Variants in CPPED1 observed in about 807,000 individuals in gnomAD.
The protein encoded by CPPED1 is calcineurin like phosphoesterase domain containing 1, also known as serine/threonine-protein phosphatase CPPED1.
In CPPED1, 28 loss-of-function variants were observed where a neutral mutation model predicts 28.0. The ratio of observed to expected loss-of-function variants is 1.00; its 90% CI spans 0.74 to 1.37. The LOEUF is 1.37. Ranked by LOEUF, CPPED1 falls within the 40% of genes most tolerant of loss-of-function variation. The pLI, the probability that CPPED1 is intolerant of heterozygous loss-of-function variation, is 0.00. For missense variants in CPPED1, 504 were observed against 416.5 expected, an observed-to-expected ratio of 1.21 and a Z score of -1.83; for synonymous variants, 198 against 180.2, an observed-to-expected ratio of 1.10 and a Z score of -0.79.
chr16:12,768,958 T>C (rs4387585), intron 2 of CPPED1, among the ~76,000 whole-genome samples: 107,887 of 151,084 alleles, frequency 0.71, 38,762 homozygotes, highest in African/African-American at 0.78. Context: ...CTCCACCTCC[T>C]GGGTTCAAGC....
At chr16:12,768,583 C>A (rs2080452344) in intron 2 of CPPED1, among the ~76,000 whole-genome samples, 1 of 152,180 alleles carries the variant, frequency 6.6e-6, no homozygotes, top group African/African-American at 2.4e-5. Flanking sequence ...AGTCAAAGAA[C>A]AAGAGTATGT....
chr16:12,681,607 G>A (rs1468509759), intron 3 of CPPED1, among the ~76,000 whole-genome samples: 2 of 152,114 alleles, frequency 1.3e-5, no homozygotes, highest in African/African-American at 4.8e-5. Flanking sequence ...CTAAGAATGT[G>A]GGAGATGGGG....
At chr16:12,737,423 G>A (rs1349286559) in intron 2 of CPPED1, among the ~76,000 whole-genome samples, 1 of 152,088 alleles carries the variant, frequency 6.6e-6, no homozygotes. Flanking sequence ...CTTACAGGTG[G>A]GGCCCAGAGT....
intron 2 of CPPED1, among the ~76,000 whole-genome samples, chr16:12,712,336 G>C (rs2080084326): frequency 1.3e-5 from 2 of 152,170 alleles, no homozygotes; most frequent in African/African-American, 4.8e-5. Context: ...TCATAGCTCA[G>C]TAATTAAAAC....
intron 2 of CPPED1, among the ~76,000 whole-genome samples, chr16:12,706,208 A>T (rs1290413395): frequency 2.6e-5 from 4 of 152,028 alleles, no homozygotes. Flanking sequence ...AATCACACAC[A>T]AATTTTTAAA....
intron 2 of CPPED1, among the ~76,000 whole-genome samples, chr16:12,763,875 A>C (rs2080423856): frequency 1.3e-5 from 2 of 152,144 alleles, no homozygotes; most frequent in South Asian, 4.1e-4. Flanking sequence ...CTGCCATTGA[A>C]AGTAATGGCA....
intron 2 of CPPED1, among the ~76,000 whole-genome samples, chr16:12,744,590 A>C (rs575823192): frequency 6.6e-6 from 1 of 152,190 alleles, no homozygotes; most frequent in Non-Finnish European, 1.5e-5. Flanking sequence ...CAGGATTTCT[A>C]GGCCATGCTA....
Position 12,736,521 on chromosome 16 carries a change from G to A in CPPED1, c.290-31472C>T, listed in dbSNP as rs569748965. 2.0e-5 allele frequency among the ~76,000 whole-genome samples: 3 copies of A among 152,236 alleles called. No individual in the cohort carries two copies. In the South Asian group the frequency reaches 6.2e-4, roughly 32 times the overall value. ...CCCAAAGGGCTGGGATTATAGGTGT[G>A]AGCCACCGCACCTGGCCTGGATTTT... On this transcript the variant is annotated intron_variant, in intron 2 of 3. Transcript: ENST00000381774.
At chr16:12,722,097 G>T (rs71388729) in intron 2 of CPPED1, among the ~76,000 whole-genome samples, 1 of 152,018 alleles carries the variant, frequency 6.6e-6, no homozygotes, top group Non-Finnish European at 1.5e-5. Flanking sequence ...CTGAAGGCAC[G>T]GCAACTCAAA....
At chr16:12,788,405 C>T (rs965327677) in intron 1 of CPPED1, among the ~76,000 whole-genome samples, 1 of 152,192 alleles carries the variant, frequency 6.6e-6, no homozygotes, top group Admixed American at 6.5e-5. Context: ...TCCAGTACTG[C>T]ACTCAATAAG....
intron 2 of CPPED1, among the ~76,000 whole-genome samples, chr16:12,716,976 T>C (rs910409388): frequency 1.3e-5 from 2 of 151,724 alleles, no homozygotes; most frequent in South Asian, 2.1e-4. Context: ...ACCCCAGAGC[T>C]TTCCCAGAAG....
intron 2 of CPPED1, among the ~76,000 whole-genome samples, chr16:12,771,935 C>T (rs1401213146): frequency 6.6e-6 from 1 of 152,070 alleles, no homozygotes; most frequent in East Asian, 1.9e-4. Context: ...CCAGCCTGGC[C>T]AACATGCAGA....
chr16:12,666,693 A>AACAGCTC (rs1365970151), intron 3 of CPPED1, among the ~76,000 whole-genome samples: 1 of 152,178 alleles, frequency 6.6e-6, no homozygotes, highest in African/African-American at 2.4e-5. Flanking sequence ...TACCATAGAG[A>AACAGCTC]TACAAGAGCT....
Position 12,678,491 on chromosome 16 carries a change from G to C in CPPED1, c.716-13376C>G, listed in dbSNP as rs186997937. On this transcript the variant is annotated intron_variant, in intron 3 of 3. Coordinates refer to ENST00000381774, the MANE Select transcript of CPPED1 (RefSeq NM_018340.3). Reference sequence around the variant, plus strand: ...TTTGTTGAATCTGTCGCTCAATCGGGGGGGAAATGCCGTATTAACATTGGC... The same window carrying C: ...TTTGTTGAATCTGTCGCTCAATCGGCGGGGAAATGCCGTATTAACATTGGC... 1.2e-4 allele frequency among the ~76,000 whole-genome samples: 19 copies of C among 152,250 alleles called. No homozygotes were observed. The South Asian group carries it at 3.9e-3, about 32-fold the overall frequency.
intron 2 of CPPED1, among the ~76,000 whole-genome samples, chr16:12,777,713 G>C (rs1435202058): frequency 6.6e-6 from 1 of 152,040 alleles, no homozygotes; most frequent in Admixed American, 6.6e-5. Flanking sequence ...TCTCTGCCAA[G>C]ACTCTAGTTC....
intron 2 of CPPED1, among the ~76,000 whole-genome samples, chr16:12,739,082 AG>A (rs1255500920): frequency 1.3e-5 from 2 of 152,210 alleles, no homozygotes; most frequent in African/African-American, 2.4e-5. Flanking sequence ...TGTAACCTTA[AG>A]TAAGGTATTG....
chr16:12,750,186 T>C (rs962048602), intron 2 of CPPED1, among the ~76,000 whole-genome samples: 6 of 152,218 alleles, frequency 3.9e-5, no homozygotes, highest in Non-Finnish European at 8.8e-5. Context: ...CATTTATGTG[T>C]TTAGAGGAAT....
intron 3 of CPPED1, 152 bp from the exon 4 acceptor site, chr16:12,665,267 T>C (rs1163058163): frequency 3.1e-6 from 2 of 654,030 alleles, no homozygotes; most frequent in African/African-American, 1.9e-5. Flanking sequence ...TATTATTCTG[T>C]ATATAATCAA....
At chr16:12,697,819 G>C (rs187107758) in intron 3 of CPPED1, among the ~76,000 whole-genome samples, 1 of 152,210 alleles carries the variant, frequency 6.6e-6, no homozygotes, top group South Asian at 2.1e-4. Flanking sequence ...CCATACAAAA[G>C]TCAGCTTGTG....
Sources: allele counts gnomAD v4.1 joint callset (sites outside exome capture counted in the v4.1 genomes callset), GRCh38; gene constraint gnomAD v4.1.1; transcripts MANE v1.5; gene names NCBI Gene and HGNC (gene_info 2026-07-23, HGNC 2026-07-21).